Variants in NBAS observed in about 807,000 individuals in gnomAD.
The protein encoded by NBAS is NAG/BC035112 fusion.
NBAS carries 219 observed loss-of-function variants against 302.5 expected under a neutral mutation model. The ratio of observed to expected loss-of-function variants is 0.72; its 90% CI spans 0.65 to 0.81. The LOEUF (loss-of-function observed/expected upper bound fraction) is 0.81. Ranked by LOEUF, NBAS falls within the 30% of genes least tolerant of loss-of-function variation. NBAS has a pLI of 0.00. For synonymous variants in NBAS, 1,118 were observed against 1,021.6 expected, an observed-to-expected ratio of 1.09 and a Z score of -1.80; for missense variants, 2,932 against 2,841.6, an observed-to-expected ratio of 1.03 and a Z score of -0.72.
the NBAS span, among the ~76,000 whole-genome samples, chr2:14,930,517 C>A: frequency 2.6e-4 from 40 of 152,270 alleles, no homozygotes; most frequent in Admixed American, 2.4e-3. Context: ...GAAATGATAT[C>A]TGATAGAACA....
At chr2:15,033,749 C>G in the NBAS span, among the ~76,000 whole-genome samples, 1 of 151,972 alleles carries the variant, frequency 6.6e-6, no homozygotes, top group African/African-American at 2.4e-5. Flanking sequence ...GAGCCCAGGA[C>G]CAGCCTGGGC....
the NBAS span, among the ~76,000 whole-genome samples, chr2:15,120,881 A>G: frequency 6.6e-6 from 1 of 152,174 alleles, no homozygotes; most frequent in Non-Finnish European, 1.5e-5. Context: ...CTGTTTCCAT[A>G]TATGGTATCT....
the NBAS span, among the ~76,000 whole-genome samples, chr2:15,095,630 G>A: frequency 9.9e-5 from 15 of 152,248 alleles, no homozygotes; most frequent in Middle Eastern, 3.4e-3. Flanking sequence ...TGATTTTCTG[G>A]GTGCTCTTTC....
chr2:15,172,352 T>C (rs1664336774), intron 51 of NBAS, among the ~76,000 whole-genome samples: 1 of 152,222 alleles, frequency 6.6e-6, no homozygotes, highest in African/African-American at 2.4e-5. Flanking sequence ...TTCCCACTCT[T>C]TCACATGTGA....
intron 9 of NBAS, among the ~76,000 whole-genome samples, chr2:15,515,781 A>T (rs560475224): frequency 6.6e-5 from 10 of 151,772 alleles, no homozygotes; most frequent in African/African-American, 2.4e-4. Flanking sequence ...CATGTAACTT[A>T]AAAAAAAAGC....
the NBAS span, among the ~76,000 whole-genome samples, chr2:14,960,643 G>A: frequency 6.6e-6 from 1 of 152,244 alleles, no homozygotes; most frequent in East Asian, 1.9e-4. Flanking sequence ...CTCTCATGTT[G>A]AATAAATAAA....
the NBAS span, among the ~76,000 whole-genome samples, chr2:15,146,283 T>G: frequency 1.3e-5 from 2 of 152,154 alleles, no homozygotes; most frequent in African/African-American, 2.4e-5. Context: ...AAGCCCTGTT[T>G]GGTACCTAGT....
the NBAS span, among the ~76,000 whole-genome samples, chr2:14,897,063 C>CT: frequency 0.034 from 4,609 of 136,380 alleles, 244 homozygotes; most frequent in African/African-American, 0.1. Context: ...AGCCGTTCCT[C>CT]TTTTTTTTTT....
the NBAS span, among the ~76,000 whole-genome samples, chr2:14,863,716 G>T: frequency 6.6e-6 from 1 of 152,198 alleles, no homozygotes; most frequent in Non-Finnish European, 1.5e-5. Context: ...TTCTTGAAAA[G>T]ATAGTCAGAA....
At chr2:15,456,800 G>T (rs1236368576) in intron 21 of NBAS, among the ~76,000 whole-genome samples, 1 of 152,084 alleles carries the variant, frequency 6.6e-6, no homozygotes, top group African/African-American at 2.4e-5. Context: ...AAGCAGAGAA[G>T]GAAGATTTAA....
At chr2:15,070,729 C>T in the NBAS span, among the ~76,000 whole-genome samples, 2 of 152,198 alleles carry the variant, frequency 1.3e-5, no homozygotes, top group Admixed American at 6.5e-5. Context: ...CCCACACAAC[C>T]ATCACAGAAT....
the NBAS span, among the ~76,000 whole-genome samples, chr2:15,002,995 C>A: frequency 6.6e-6 from 1 of 152,248 alleles, no homozygotes; most frequent in African/African-American, 2.4e-5. Context: ...GGTGCAGCGG[C>A]GGGCTGAAGG....
chr2:14,834,489 C>T, the NBAS span, among the ~76,000 whole-genome samples: 648 of 152,188 alleles, frequency 4.3e-3, 6 homozygotes, highest in African/African-American at 0.015. Flanking sequence ...AAAAAATATC[C>T]ATTATGCAAT....
At chr2:15,482,804 G>A (rs959582151) in intron 12 of NBAS, among the ~76,000 whole-genome samples, 2 of 151,846 alleles carry the variant, frequency 1.3e-5, no homozygotes, top group African/African-American at 4.8e-5. Flanking sequence ...AGTTAGCAAG[G>A]AAAATCATTT....
intron 28 of NBAS, among the ~76,000 whole-genome samples, chr2:15,392,248 A>G (rs1675645053): frequency 6.6e-6 from 1 of 151,802 alleles, no homozygotes; most frequent in Admixed American, 6.6e-5. Context: ...ATTATATGAC[A>G]ACAAAAAAAA....
At chr2:15,278,157 T>C (rs148928498) in intron 42 of NBAS, among the ~76,000 whole-genome samples, 1 of 152,316 alleles carries the variant, frequency 6.6e-6, no homozygotes, top group African/African-American at 2.4e-5. Context: ...ATAAAGTTAG[T>C]ATAAATCATG....
At chr2:15,242,114 T>G (rs4668440) in intron 44 of NBAS, among the ~76,000 whole-genome samples, 16,138 of 152,258 alleles carry the variant, frequency 0.11, 1,145 homozygotes, top group East Asian at 0.31. Flanking sequence ...CTACTTTGTA[T>G]GTATAAACTG....
chr2:14,898,234 C>T, the NBAS span, among the ~76,000 whole-genome samples: 3 of 152,258 alleles, frequency 2.0e-5, no homozygotes, highest in Non-Finnish European at 4.4e-5. Flanking sequence ...CTTGCAGATC[C>T]TTAGGAAATG....
the NBAS span, among the ~76,000 whole-genome samples, chr2:14,854,248 A>C: frequency 6.6e-6 from 1 of 151,970 alleles, no homozygotes; most frequent in African/African-American, 2.4e-5. Flanking sequence ...TCAAATAAAC[A>C]ACCTAATGAT....
Sources: allele counts gnomAD v4.1 joint callset (sites outside exome capture counted in the v4.1 genomes callset), GRCh38; gene constraint gnomAD v4.1.1; transcripts MANE v1.5; gene names NCBI Gene and HGNC (gene_info 2026-07-23, HGNC 2026-07-21).